The following CADPS variants were observed in gnomAD, a reference collection of about 807,000 sequenced individuals.
CADPS encodes the protein calcium dependent secretion activator.
A neutral mutation model predicts 167.3 loss-of-function variants in CADPS; 57 were observed. The observed-to-expected ratio is 0.34, with a 90% CI of 0.28 to 0.42. CADPS has a LOEUF of 0.42. CADPS is among the 20% of genes least tolerant of loss of function. The pLI is 1.00. For missense variants in CADPS, 1,414 were observed against 1,738.1 expected (o/e 0.81, Z 3.32); for synonymous variants, 676 against 635.3 (o/e 1.06, Z -0.96).
chr3:62,585,452 A>G, intron 7 of CADPS, 128 bp from the exon 8 acceptor site: 1 of 825,806 alleles, frequency 1.2e-6, no homozygotes, highest in Admixed American at 2.8e-5. Context: ...ATACCTGGGG[A>G]TAGAAACACA....
Position 62,696,423 on chromosome 3 carries a change from C to T in CADPS, c.889-34029G>A, listed in dbSNP as rs571851849. On this transcript the variant is annotated intron_variant, in intron 3 of 29. Transcript: ENST00000383710. ...GATACACCCTCTTTGCACCTCATTG[C>T]ATCCCTGCCTCAGAAGTCTGCATAT... Among the ~76,000 whole-genome samples the T allele has an allele frequency of 2.6e-5, 4 of 152,208 alleles. 1 individual carries two copies. The South Asian group carries it at 8.3e-4, about 32-fold the overall frequency.
At chr3:62,522,095 C>CTCTATCTATCTA (rs3074258) in intron 13 of CADPS, among the ~76,000 whole-genome samples, 297 of 144,062 alleles carry the variant, frequency 2.1e-3, no homozygotes, top group East Asian at 3.8e-3. Context: ...ATCCTCAAAG[C>CTCTATCTATCTA]TCTATCTATC....
At chr3:62,558,057 A>G (rs1236730791) in intron 9 of CADPS, among the ~76,000 whole-genome samples, 1 of 152,220 alleles carries the variant, frequency 6.6e-6, no homozygotes, top group Non-Finnish European at 1.5e-5. Context: ...CAGCATTTTG[A>G]TCAGCATCAA....
At chr3:62,442,102 CAAAA>C (rs2056410137) in intron 27 of CADPS, among the ~76,000 whole-genome samples, 1 of 150,568 alleles carries the variant, frequency 6.6e-6, no homozygotes, top group Non-Finnish European at 1.5e-5. Context: ...TAATAAAAAA[CAAAA>C]ACAAACCAGA....
chr3:62,831,172 A>T (rs2075009312), intron 1 of CADPS, among the ~76,000 whole-genome samples: 1 of 152,186 alleles, frequency 6.6e-6, no homozygotes, highest in Non-Finnish European at 1.5e-5. Flanking sequence ...ATAATAGCTA[A>T]CATCTCTTGT....
intron 3 of CADPS, among the ~76,000 whole-genome samples, chr3:62,702,640 G>C (rs2081599205): frequency 6.6e-6 from 1 of 152,068 alleles, no homozygotes; most frequent in Non-Finnish European, 1.5e-5. Context: ...AGTCTGTTCT[G>C]GCAATCTCTG....
In CADPS at chr3:62,478,264, T is replaced by G. The variant is rs1454556060; in HGVS notation, c.3326A>C (p.Lys1109Thr). The change falls in exon 23 of 30, where the codon AAA (lysine) becomes ACA (threonine). Residue 1109 changes from lysine (K) to threonine (T), a missense_variant. This residue lies in a region of CADPS where 529 missense variants were observed against 629.6 expected (regional missense o/e 0.84). Coordinates refer to ENST00000383710, the MANE Select transcript of CADPS (RefSeq NM_003716.4). This position sits in a 1 kb window ranked among gnomAD's most constrained non-coding sequence, Gnocchi z 5.7. ...CTGTCCAGCCACCTATACTTACCTT[T>G]TGACACAAGATTCGATCATGTCACT... ...MASDMIESCV[K>T]RTRIAFEVKL... The G allele has an allele frequency of 1.2e-6, 2 of 1,613,690 alleles. No individual in the cohort carries two copies. Among genetic ancestry groups the G allele is most frequent in the Non-Finnish European group, 1.7e-6 (2 of 1,179,792 alleles).
At chr3:62,631,516 C>T (rs1472114655) in intron 6 of CADPS, among the ~76,000 whole-genome samples, 2 of 152,180 alleles carry the variant, frequency 1.3e-5, no homozygotes, top group African/African-American at 2.4e-5. Context: ...GATGCTTCCA[C>T]GCAAGATCCT....
At chr3:62,695,243 C>T (rs1320664570) in intron 3 of CADPS, among the ~76,000 whole-genome samples, 1 of 151,992 alleles carries the variant, frequency 6.6e-6, no homozygotes, top group Non-Finnish European at 1.5e-5. Context: ...AGGATAGTTG[C>T]ATCTTACAAG....
At chr3:62,511,794 C>T (rs1367424000) in intron 17 of CADPS, among the ~76,000 whole-genome samples, 1 of 152,144 alleles carries the variant, frequency 6.6e-6, no homozygotes, top group Non-Finnish European at 1.5e-5. Context: ...TGCATGTATA[C>T]TCCATGAGGC....
chr3:62,400,601 CT>C (rs143643930), intron 29 of CADPS, among the ~76,000 whole-genome samples: 6,859 of 130,230 alleles, frequency 0.053, 216 homozygotes, highest in East Asian at 0.12. Context: ...TTTTTTTTTT[CT>C]TTTTTTTTTT....
intron 1 of CADPS, among the ~76,000 whole-genome samples, chr3:62,845,043 CT>C (rs1193288762): frequency 6.6e-6 from 1 of 152,156 alleles, no homozygotes; most frequent in African/African-American, 2.4e-5. Context: ...CAGGGTGGTA[CT>C]TTTAGCTCTA....
intron 11 of CADPS, among the ~76,000 whole-genome samples, chr3:62,539,700 T>C (rs1044384475): frequency 1.3e-5 from 2 of 152,152 alleles, no homozygotes; most frequent in African/African-American, 4.8e-5. Context: ...TTAGTTAAAA[T>C]CATAAGTTTA....
Position 62,831,689 on chromosome 3 carries a change from G to A in CADPS, c.441+42900C>T, listed in dbSNP as rs575439756. On this transcript the variant is annotated intron_variant, in intron 1 of 29. Transcript: ENST00000383710. ...AGTATCCTACATACCTAAAACTATA[G>A]TAGGAAGTGCTAAAAAATATTTGCT... Among the ~76,000 whole-genome samples, 12 of 152,204 alleles carry A rather than the reference G, an allele frequency of 7.9e-5. No individual in the cohort carries two copies. The South Asian group carries it at 1.0e-3, about 13-fold the overall frequency.
At chr3:62,468,177 G>A (rs915038598) in intron 24 of CADPS, among the ~76,000 whole-genome samples, 9 of 152,126 alleles carry the variant, frequency 5.9e-5, no homozygotes, top group African/African-American at 9.7e-5. Flanking sequence ...AAAGATGTCA[G>A]AGCAAAAGAA....
Position 62,549,018 on chromosome 3 carries a change from A to C in CADPS, c.1966+885T>G, listed in dbSNP as rs138485720. Among the ~76,000 whole-genome samples the C allele has an allele frequency of 2.0e-5, 3 of 152,358 alleles. No homozygotes were observed. The East Asian group carries it at 5.8e-4, about 29-fold the overall frequency. On this transcript the variant is annotated intron_variant, in intron 11 of 29. Coordinates refer to ENST00000383710, the MANE Select transcript of CADPS (RefSeq NM_003716.4). ...TCATTAGCATGTCTTATTTCTAGAC[A>C]GTTGCTCAATGACCTAGAATGAATC...
chr3:62,575,217 T>C (rs2082042339), intron 8 of CADPS, among the ~76,000 whole-genome samples: 1 of 152,164 alleles, frequency 6.6e-6, no homozygotes, highest in South Asian at 2.1e-4. Flanking sequence ...ACCCATAGAG[T>C]GTAATTCATA....
At chr3:62,456,763 T>TAAAAA (rs11368866) in intron 26 of CADPS, among the ~76,000 whole-genome samples, 1 of 129,288 alleles carries the variant, frequency 7.7e-6, no homozygotes. Flanking sequence ...TATCACTGTC[T>TAAAAA]AAAAAAAAAA....
At chr3:62,744,181 A>C (rs1355760662) in intron 3 of CADPS, among the ~76,000 whole-genome samples, 1 of 152,196 alleles carries the variant, frequency 6.6e-6, no homozygotes, top group Non-Finnish European at 1.5e-5. Flanking sequence ...ATAAAGTATT[A>C]GGCTTACTGT....
Sources: allele counts gnomAD v4.1 joint callset (sites outside exome capture counted in the v4.1 genomes callset), GRCh38; gene constraint gnomAD v4.1.1; regional missense constraint gnomAD v4.1.1; non-coding constraint Gnocchi (gnomAD v3.1); transcripts MANE v1.5; gene names NCBI Gene and HGNC (gene_info 2026-07-23, HGNC 2026-07-21).